The following ASTN2 variants were observed in gnomAD, a reference collection of about 807,000 sequenced individuals.
ASTN2 encodes astrotactin-2.
In ASTN2, 54 loss-of-function variants were observed where a neutral mutation model predicts 139.8. That is an observed-to-expected ratio of 0.39 (90% confidence interval 0.31 to 0.48). ASTN2 has a LOEUF of 0.48. Among genes scored for constraint, ASTN2 ranks in the 20% least tolerant of loss-of-function variants. The pLI, the probability that ASTN2 is intolerant of heterozygous loss-of-function variation, is 0.95. For synonymous variants in ASTN2, 756 were observed against 719.5 expected, an observed-to-expected ratio of 1.05 and a Z score of -0.81; for missense variants, 1,565 against 1,725.1, an observed-to-expected ratio of 0.91 and a Z score of 1.64.
rs148202295 is a variant in ASTN2, at chr9:117,272,539, T to C, written c.630+18787A>G. 1.0e-2 allele frequency among the ~76,000 whole-genome samples: 1,523 copies of C among 152,346 alleles called. 24 individuals are homozygous for C. Among genetic ancestry groups the C allele is most frequent in the African/African-American group, 0.035 (1,449 of 41,570 alleles). On this transcript the variant is annotated intron_variant, in intron 2 of 22. Coordinates refer to ENST00000313400, the MANE Select transcript of ASTN2 (RefSeq NM_001365068.1). ...TGGGTTTTTCTTTTCCACTGCATCA[T>C]CAGGCTGCAAATTTTCTGAACTGTT...
chr9:116,827,683 G>T (rs529390784), intron 11 of ASTN2, among the ~76,000 whole-genome samples: 2 of 152,158 alleles, frequency 1.3e-5, no homozygotes, highest in Admixed American at 6.5e-5. Context: ...ATTGAACCAG[G>T]AAGAAACAGA....
At chr9:116,836,211 G>C (rs1831986229) in intron 11 of ASTN2, among the ~76,000 whole-genome samples, 1 of 152,000 alleles carries the variant, frequency 6.6e-6, no homozygotes, top group Admixed American at 6.5e-5. Flanking sequence ...ACACCACACT[G>C]AGTGGAAGGT....
chr9:116,724,377 A>G (rs1828558062), intron 16 of ASTN2, among the ~76,000 whole-genome samples: 1 of 152,170 alleles, frequency 6.6e-6, no homozygotes, highest in South Asian at 2.1e-4. Context: ...TGCCCCACAC[A>G]GTTGCACACA....
chr9:116,521,809 AAAAC>A (rs3040262), intron 19 of ASTN2, among the ~76,000 whole-genome samples: 4 of 150,766 alleles, frequency 2.7e-5, no homozygotes, highest in African/African-American at 4.9e-5. Flanking sequence ...ATCAGCAAGA[AAAAC>A]AAACAAACAA....
chr9:117,214,487 C>G lies in ASTN2; in HGVS notation c.886G>C (p.Glu296Gln), dbSNP rs1355251942. ...CGCCTAGGTGGCTCCTCATCCTCCTCACAGTCATAGTCATCCAGGATGGGA... is the reference window on the plus strand; with the variant it reads ...CGCCTAGGTGGCTCCTCATCCTCCTGACAGTCATAGTCATCCAGGATGGGA... ...ETPILDDYDC[E>Q]EDEEPPRRAN... The change falls in exon 3 of 23, where the codon GAG becomes CAG. Residue 296 changes from glutamate (E) to glutamine (Q), a missense_variant. Glu to Gln is a conservative substitution (Grantham distance 29). Coordinates refer to ENST00000313400, the MANE Select transcript of ASTN2 (RefSeq NM_001365068.1). 2 of 1,614,094 alleles carry G rather than the reference C, an allele frequency of 1.2e-6. No individual in the cohort carries two copies. Among genetic ancestry groups the G allele is most frequent in the African/African-American group, 1.3e-5 (1 of 74,948 alleles).
chr9:117,313,703 C>T (rs530056094), intron 1 of ASTN2, among the ~76,000 whole-genome samples: 3 of 152,202 alleles, frequency 2.0e-5, no homozygotes. Context: ...CAGAACCAGC[C>T]AGTTAGACAC....
intron 3 of ASTN2, among the ~76,000 whole-genome samples, chr9:117,209,552 A>C (rs1461725709): frequency 1.3e-5 from 2 of 152,180 alleles, no homozygotes; most frequent in South Asian, 2.1e-4. Context: ...CCTGATACAT[A>C]AAGTAAATAT....
At chr9:117,033,812 G>A (rs187476367) in intron 6 of ASTN2, among the ~76,000 whole-genome samples, 44 of 152,136 alleles carry the variant, frequency 2.9e-4, no homozygotes, top group Non-Finnish European at 4.9e-4. Context: ...CACTTTTCAC[G>A]TACGCAAAAT....
intron 19 of ASTN2, chr9:116,557,754 G>A (rs1370843642): frequency 6.6e-6 from 1 of 152,158 alleles, no homozygotes; most frequent in African/African-American, 2.4e-5. Flanking sequence ...TGTATATAAA[G>A]AATGTAATAT....
intron 10 of ASTN2, among the ~76,000 whole-genome samples, chr9:116,939,813 G>A (rs1027585736): frequency 1.3e-5 from 2 of 152,020 alleles, no homozygotes; most frequent in African/African-American, 4.8e-5. Context: ...TAACAAATAC[G>A]TCATGGGCTG....
At chr9:116,806,397 A>G (rs1409295768) in intron 12 of ASTN2, among the ~76,000 whole-genome samples, 1 of 152,206 alleles carries the variant, frequency 6.6e-6, no homozygotes, top group Non-Finnish European at 1.5e-5. Flanking sequence ...AGGCATCTGA[A>G]TAAGGTGTGG....
intron 10 of ASTN2, among the ~76,000 whole-genome samples, chr9:116,888,182 C>T (rs1008285762): frequency 9.2e-5 from 14 of 152,100 alleles, no homozygotes; most frequent in African/African-American, 3.1e-4. Context: ...GTGGGAGGAT[C>T]GCTTGATCCT....
intron 10 of ASTN2, among the ~76,000 whole-genome samples, chr9:116,959,185 T>C (rs1422871952): frequency 6.6e-6 from 1 of 151,978 alleles, no homozygotes. Context: ...CTACAATGGA[T>C]GTGTGAGATC....
At chr9:117,042,630 A>G (rs1218812527) in intron 5 of ASTN2, among the ~76,000 whole-genome samples, 2 of 151,846 alleles carry the variant, frequency 1.3e-5, no homozygotes, top group East Asian at 3.9e-4. Context: ...ATACATATTT[A>G]TAATATTTAT....
At chr9:116,897,491 T>TTTCAAGTTCTTGTAAAGCACTTGTAAG (rs1443398697) in intron 10 of ASTN2, among the ~76,000 whole-genome samples, 3 of 152,232 alleles carry the variant, frequency 2.0e-5, no homozygotes, top group African/African-American at 7.2e-5. Flanking sequence ...ACTGTGAGCT[T>TTTCAAGTTCTTGTAAAGCACTTGTAAG]TTCAAGTGCT....
chr9:116,927,824 T>C (rs961211358), intron 10 of ASTN2, among the ~76,000 whole-genome samples: 4 of 152,190 alleles, frequency 2.6e-5, no homozygotes, highest in Admixed American at 6.5e-5. Flanking sequence ...TTGGAATATG[T>C]GAGTAAGTGA....
intron 1 of ASTN2, among the ~76,000 whole-genome samples, chr9:117,412,918 A>G (rs1831208163): frequency 6.6e-6 from 1 of 152,074 alleles, no homozygotes; most frequent in African/African-American, 2.4e-5. Flanking sequence ...GGGCAGCCCC[A>G]CAGGTGCACG....
intron 16 of ASTN2, among the ~76,000 whole-genome samples, chr9:116,677,939 C>T (rs1164510637): frequency 2.6e-5 from 4 of 152,194 alleles, no homozygotes; most frequent in Non-Finnish European, 5.9e-5. Flanking sequence ...ATCTGTCCAT[C>T]TGCTGTCTAT....
chr9:116,938,511 T>C (rs949174746), intron 10 of ASTN2, among the ~76,000 whole-genome samples: 1 of 152,210 alleles, frequency 6.6e-6, no homozygotes, highest in Admixed American at 6.5e-5. Context: ...TTGAGCTGGC[T>C]GCTGGCAGTT....
Sources: gnomAD v4.1 joint callset for allele counts (sites outside exome capture counted in the v4.1 genomes callset) on GRCh38, gnomAD v4.1.1 for gene constraint, MANE v1.5 for transcripts, NCBI Gene and HGNC (gene_info 2026-07-23, HGNC 2026-07-21) for gene names.